CLDN10: variants seen among roughly 807,000 people sequenced by gnomAD.
CLDN10 encodes the protein claudin 10.
In CLDN10, 15 loss-of-function variants were observed where a neutral mutation model predicts 22.9. That is an observed-to-expected ratio of 0.65 (90% CI 0.44 to 1.01). The LOEUF (loss-of-function observed/expected upper bound fraction) is 1.01, where lower values mean the gene tolerates loss of function less well. Among genes scored for constraint, CLDN10 ranks in the 50% least tolerant of loss-of-function variants. CLDN10 has a pLI of 0.00. For synonymous variants in CLDN10, 114 were observed against 111.4 expected (o/e 1.02, Z -0.15); for missense variants, 247 against 287.8 (o/e 0.86, Z 1.03).
intron 1 of CLDN10, among the ~76,000 whole-genome samples, chr13:95,501,942 C>T (rs2042989859): frequency 6.6e-6 from 1 of 152,058 alleles, no homozygotes. Context: ...TTTAGCTATA[C>T]TTCTTGGCAT....
chr13:95,490,865 C>T (rs2042865537), intron 1 of CLDN10, among the ~76,000 whole-genome samples: 1 of 152,082 alleles, frequency 6.6e-6, no homozygotes, highest in East Asian at 1.9e-4. Flanking sequence ...TATTGAAGTC[C>T]TCCACTGCTA....
At chr13:95,537,529 T>C (rs928055252) in intron 1 of CLDN10, among the ~76,000 whole-genome samples, 8 of 152,230 alleles carry the variant, frequency 5.3e-5, no homozygotes, top group African/African-American at 1.9e-4. Context: ...ATATGAACTA[T>C]GCAAATGGAA....
chr13:95,463,453 C>T (rs2042557046), intron 1 of CLDN10, among the ~76,000 whole-genome samples: 1 of 147,134 alleles, frequency 6.8e-6, no homozygotes, highest in South Asian at 2.1e-4. Flanking sequence ...CCACCTGAGC[C>T]TTTTGAGTGG....
At chr13:95,569,509 G>C (rs1317290886) in intron 3 of CLDN10, among the ~76,000 whole-genome samples, 1 of 152,040 alleles carries the variant, frequency 6.6e-6, no homozygotes, top group Non-Finnish European at 1.5e-5. Flanking sequence ...ACTTGAACCT[G>C]GGGGGTGGAG....
At chr13:95,480,338 C>T (rs770865213) in intron 1 of CLDN10, among the ~76,000 whole-genome samples, 1 of 151,826 alleles carries the variant, frequency 6.6e-6, no homozygotes, top group South Asian at 2.1e-4. Context: ...ACACTTCCTT[C>T]GGTAGAGCAG....
chr13:95,443,677 A>G (rs763794283), intron 1 of CLDN10, among the ~76,000 whole-genome samples: 1 of 152,088 alleles, frequency 6.6e-6, no homozygotes, highest in Non-Finnish European at 1.5e-5. Context: ...AGGAGCCCCA[A>G]GTTGTCTGGT....
At position 95,573,725 on chromosome 13, in the gene CLDN10, G is replaced by A. The variant is rs1005184178; in HGVS notation, c.465-3506G>A. 1.4e-3 allele frequency among the ~76,000 whole-genome samples: 208 copies of A among 151,784 alleles called. 2 individuals carry two copies. The highest frequency in any genetic ancestry group is 0.014 in the Middle Eastern group (4 of 294). On this transcript the variant is annotated intron_variant, in intron 3 of 4. Coordinates refer to ENST00000299339, the MANE Select transcript of CLDN10 (RefSeq NM_006984.5). ...TTTATTTTTATTTTTATTTGTGTGTGTGTGTGTGTGTGTGTGTACCTCTAA... is the reference window on the plus strand; with the variant it reads ...TTTATTTTTATTTTTATTTGTGTGTATGTGTGTGTGTGTGTGTACCTCTAA...
chr13:95,436,695 G>C (rs1566644278), intron 1 of CLDN10, among the ~76,000 whole-genome samples: 1 of 152,138 alleles, frequency 6.6e-6, no homozygotes, highest in Non-Finnish European at 1.5e-5. Flanking sequence ...GCAGAAATCT[G>C]TTTTCAATGT....
At chr13:95,537,206 C>G (rs889441604) in intron 1 of CLDN10, among the ~76,000 whole-genome samples, 4 of 152,086 alleles carry the variant, frequency 2.6e-5, no homozygotes, top group Non-Finnish European at 4.4e-5. Context: ...TCCATTCTAC[C>G]ACAGATTAAA....
chr13:95,550,305 T>C (rs2043549949), upstream of CLDN10, among the ~76,000 whole-genome samples: 1 of 152,238 alleles, frequency 6.6e-6, no homozygotes, highest in Admixed American at 6.5e-5. Context: ...AAGTTCTTTC[T>C]TTAAAACAAA....
chr13:95,555,110 G>A (rs1167266221), intron 1 of CLDN10, among the ~76,000 whole-genome samples: 1 of 144,366 alleles, frequency 6.9e-6, no homozygotes, highest in Non-Finnish European at 1.5e-5. Flanking sequence ...GAGTGCAGTG[G>A]CACAATCTCA....
upstream of CLDN10, among the ~76,000 whole-genome samples, chr13:95,548,492 A>G (rs140224768): frequency 6.6e-6 from 1 of 152,334 alleles, no homozygotes; most frequent in Non-Finnish European, 1.5e-5. Context: ...AAAAAAAATT[A>G]TAGATATATA....
intron 1 of CLDN10, among the ~76,000 whole-genome samples, chr13:95,538,986 T>C (rs1201306880): frequency 1.3e-5 from 2 of 152,178 alleles, no homozygotes; most frequent in African/African-American, 4.8e-5. Context: ...TTCAAGTGAT[T>C]CTCTGGCCTC....
intron 1 of CLDN10, among the ~76,000 whole-genome samples, chr13:95,506,481 T>C (rs1042052909): frequency 6.6e-6 from 1 of 152,196 alleles, no homozygotes; most frequent in African/African-American, 2.4e-5. Context: ...TTTCATGCCC[T>C]CTACTGCCTC....
At chr13:95,530,750 C>G in intron 1 of CLDN10, among the ~76,000 whole-genome samples, 1 of 152,100 alleles carries the variant, frequency 6.6e-6, no homozygotes, top group East Asian at 1.9e-4. Context: ...CTGAAATTCA[C>G]TGATCTTTAC....
chr13:95,554,090 A>G (rs556533608), intron 1 of CLDN10, among the ~76,000 whole-genome samples: 1 of 152,318 alleles, frequency 6.6e-6, no homozygotes, highest in African/African-American at 2.4e-5. Context: ...CTGTTGCTCA[A>G]CGTGGTATTT....
intron 1 of CLDN10, among the ~76,000 whole-genome samples, chr13:95,458,665 AGGGATTATG>A: frequency 6.6e-6 from 1 of 152,282 alleles, no homozygotes; most frequent in Non-Finnish European, 1.5e-5. Flanking sequence ...CTTGACACAC[AGGGATTATG>A]GGGATTATGG....
intron 1 of CLDN10, among the ~76,000 whole-genome samples, chr13:95,453,148 G>T (rs925141934): frequency 5.3e-5 from 8 of 152,172 alleles, no homozygotes. Flanking sequence ...GGGAACAAAT[G>T]CTATTATCTT....
chr13:95,543,770 G>T lies in CLDN10; in HGVS notation c.215-16362G>T, dbSNP rs530142337. On this transcript the variant is annotated intron_variant, in intron 1 of 4. Coordinates refer to the CLDN10 transcript ENST00000376873. ...TATTCCTTTCATATTAATATTGTGT[G>T]ATTCCAAACTATCTGTAGAAAAATT... Among the ~76,000 whole-genome samples the T allele has an allele frequency of 2.0e-5, 3 of 151,892 alleles. No individual in the cohort carries two copies. In the South Asian group the frequency reaches 6.3e-4, roughly 32 times the overall value.
Sources: gnomAD v4.1 joint callset for allele counts (sites outside exome capture counted in the v4.1 genomes callset) on GRCh38, gnomAD v4.1.1 for gene constraint, MANE v1.5 for transcripts, NCBI Gene and HGNC (gene_info 2026-07-23, HGNC 2026-07-21) for gene names.